SLC7A2: variants seen among roughly 807,000 people sequenced by gnomAD.
The protein encoded by SLC7A2 is cationic amino acid transporter 2.
In SLC7A2, 48 loss-of-function variants were observed where a neutral mutation model predicts 58.9. The ratio of observed to expected loss-of-function variants is 0.82; its 90% CI spans 0.65 to 1.04. The LOEUF is 1.04. Ranked by LOEUF, SLC7A2 falls within the 50% of genes least tolerant of loss-of-function variation. The pLI is 0.00. For missense variants in SLC7A2, 1,029 were observed against 818.8 expected, an observed-to-expected ratio of 1.26 and a Z score of -3.13; for synonymous variants, 363 against 314.5, an observed-to-expected ratio of 1.15 and a Z score of -1.63.
At chr8:17,499,825 A>G (rs1800084954) in intron 1 of SLC7A2, among the ~76,000 whole-genome samples, 1 of 152,186 alleles carries the variant, frequency 6.6e-6, no homozygotes, top group African/African-American at 2.4e-5. Context: ...CCATATAGAT[A>G]CAACCTTGAA....
rs2237818 is a variant in SLC7A2 at position 17,542,435 on chromosome 8, G to C, written c.-22-883G>C. On this transcript the variant is annotated intron_variant, in intron 2 of 12. Transcript: ENST00000494857. ...GGAGGCCAAGGAGGTAGGACTGCGT[G>C]AGCCCATGAATTCAAGACCAGCATG... Among the ~76,000 whole-genome samples the C allele has an allele frequency of 2.1e-4, 32 of 152,258 alleles. 1 individual carries two copies. In the East Asian group the frequency reaches 6.2e-3, roughly 29 times the overall value.
intron 2 of SLC7A2, among the ~76,000 whole-genome samples, chr8:17,528,308 C>T (rs1278690687): frequency 6.6e-6 from 1 of 152,162 alleles, no homozygotes; most frequent in African/African-American, 2.4e-5. Context: ...CTCCCTACAT[C>T]TGGAACCCTT....
At chr8:17,505,218 C>G (rs879735663) in intron 2 of SLC7A2, among the ~76,000 whole-genome samples, 1 of 152,118 alleles carries the variant, frequency 6.6e-6, no homozygotes, top group African/African-American at 2.4e-5. Flanking sequence ...CACATTCCAA[C>G]CAGTGGGCAA....
chr8:17,522,860 A>T (rs1801071217), intron 2 of SLC7A2, among the ~76,000 whole-genome samples: 1 of 151,926 alleles, frequency 6.6e-6, no homozygotes, highest in Admixed American at 6.6e-5. Context: ...ACACAGTGAC[A>T]CCCTACCTCT....
At chr8:17,499,436 G>T (rs765990062) in intron 1 of SLC7A2, among the ~76,000 whole-genome samples, 1 of 148,956 alleles carries the variant, frequency 6.7e-6, no homozygotes, top group Admixed American at 6.8e-5. Context: ...CTCTCTGTGT[G>T]TTCAGAGCCA....
intron 12 of SLC7A2, among the ~76,000 whole-genome samples, chr8:17,564,008 G>C (rs1366578915): frequency 6.6e-6 from 1 of 152,076 alleles, no homozygotes; most frequent in Non-Finnish European, 1.5e-5. Context: ...TTCTAAAATA[G>C]AACTAAAACA....
chr8:17,497,806 G>GACTTCAATTCCTATAAGA (rs1800012926), intron 1 of SLC7A2, among the ~76,000 whole-genome samples: 1 of 152,162 alleles, frequency 6.6e-6, no homozygotes, highest in Admixed American at 6.5e-5. Context: ...TTTGTATTGG[G>GACTTCAATTCCTATAAGA]TATTTTAAAG....
intron 2 of SLC7A2, among the ~76,000 whole-genome samples, chr8:17,531,947 G>T (rs1340145789): frequency 1.3e-5 from 2 of 151,928 alleles, no homozygotes; most frequent in Non-Finnish European, 2.9e-5. Flanking sequence ...AAAAAATGTG[G>T]CTGGGCACGG....
chr8:17,536,779 A>G (rs1201784136), intron 2 of SLC7A2, among the ~76,000 whole-genome samples: 1 of 152,204 alleles, frequency 6.6e-6, no homozygotes, highest in African/African-American at 2.4e-5. Flanking sequence ...AAGAGTTGAC[A>G]GTGGGAGTAG....
chr8:17,539,197 C>A (rs1801803925), intron 2 of SLC7A2, among the ~76,000 whole-genome samples: 1 of 152,114 alleles, frequency 6.6e-6, no homozygotes, highest in Non-Finnish European at 1.5e-5. Flanking sequence ...AGTTGATGGC[C>A]TGGGCTGAAG....
intron 2 of SLC7A2, among the ~76,000 whole-genome samples, chr8:17,511,546 T>C (rs2150667804): frequency 6.6e-6 from 1 of 152,342 alleles, no homozygotes; most frequent in South Asian, 2.1e-4. Flanking sequence ...TTACATTTGT[T>C]GTACAAATTA....
chr8:17,546,514 G>A lies in SLC7A2; in HGVS notation c.532+1908G>A, dbSNP rs556349284. 2.0e-3 allele frequency among the ~76,000 whole-genome samples: 312 copies of A among 152,300 alleles called. 1 individual carries two copies. The highest frequency in any genetic ancestry group is 6.7e-3 in the African/African-American group (278 of 41,568). Reference sequence around the variant, plus strand: ...GGTGTCTAATCTTCCGGTGGGAGATGAGACCTCAGAGTAGACAGTGCATAT... The same window carrying A: ...GGTGTCTAATCTTCCGGTGGGAGATAAGACCTCAGAGTAGACAGTGCATAT... On this transcript the variant is annotated intron_variant, in intron 4 of 12. Coordinates refer to ENST00000494857, the MANE Select transcript of SLC7A2 (RefSeq NM_001370338.1).
At chr8:17,494,238 G>C (rs1799909476), upstream of SLC7A2, among the ~76,000 whole-genome samples, 1 of 152,158 alleles carries the variant, frequency 6.6e-6, no homozygotes, top group Non-Finnish European at 1.5e-5. Flanking sequence ...ATTTACTTTA[G>C]GTTGTATTTG....
chr8:17,530,663 C>G (rs924758347), intron 2 of SLC7A2, among the ~76,000 whole-genome samples: 2 of 151,774 alleles, frequency 1.3e-5, no homozygotes, highest in African/African-American at 4.8e-5. Flanking sequence ...ACTTCTGCCT[C>G]CTAGGTTCAA....
In SLC7A2 at chr8:17,543,626, C is replaced by T. The variant is rs774560294; in HGVS notation, c.287C>T (p.Thr96Met). 1.4e-5 allele frequency: 22 copies of T among 1,592,496 alleles called. No individual in the cohort carries two copies. The highest frequency in any genetic ancestry group is 4.5e-5 in the East Asian group (2 of 44,764). ...YAEFGARVPK[T>M]GSAYLYTYVT... ...GAATTTGGGGCCCGTGTTCCCAAGA[C>T]GGGGTCTGCATATTTGTACACCTAC... Residue 96 changes from threonine (T) to methionine (M), a missense_variant, in exon 3 of 13, where the codon ACG (threonine) becomes ATG (methionine). Physicochemically the swap from Thr to Met is moderately conservative, Grantham distance 81. Transcript: ENST00000494857.
intron 2 of SLC7A2, among the ~76,000 whole-genome samples, chr8:17,512,256 A>G (rs946601129): frequency 2.6e-5 from 4 of 152,064 alleles, no homozygotes; most frequent in African/African-American, 7.2e-5. Flanking sequence ...CCATCATTAA[A>G]ACAGAACCCT....
intron 2 of SLC7A2, among the ~76,000 whole-genome samples, chr8:17,507,747 A>G (rs1325309236): frequency 6.6e-6 from 1 of 152,232 alleles, no homozygotes; most frequent in African/African-American, 2.4e-5. Context: ...CATGTAATAG[A>G]AATATGCCCT....
At chr8:17,504,284 G>C (rs1295848222) in intron 2 of SLC7A2, among the ~76,000 whole-genome samples, 2 of 152,186 alleles carry the variant, frequency 1.3e-5, no homozygotes, top group Non-Finnish European at 2.9e-5. Flanking sequence ...ATTGAGGCCG[G>C]TGGTAAATGA....
chr8:17,497,226 A>C lies in SLC7A2; in HGVS notation c.-80A>C, dbSNP rs551455761. On this transcript the variant is annotated 5_prime_UTR_variant, in exon 1 of 13. Coordinates refer to ENST00000494857, the MANE Select transcript of SLC7A2 (RefSeq NM_001370338.1). ...ACCGCCGCCTTCTTGGCGCGACCCC[A>C]ACCCAGCCCCAGTAAGTTGCTAGGT... 1.3e-5 allele frequency: 2 copies of C among 151,724 alleles called. No individual in the cohort carries two copies. The highest frequency in any genetic ancestry group is 3.9e-4 in the East Asian group (2 of 5,106). The allele number at this position is 151,724 out of a possible 1,614,324, so 9.4% of individuals were successfully genotyped here.
Sources: allele counts gnomAD v4.1 joint callset (sites outside exome capture counted in the v4.1 genomes callset), GRCh38; gene constraint gnomAD v4.1.1; transcripts MANE v1.5; gene names NCBI Gene and HGNC (gene_info 2026-07-23, HGNC 2026-07-21).